EFNA5: variants seen among roughly 807,000 people sequenced by gnomAD.
EFNA5 encodes ephrin A5.
Under a neutral mutation model 22.9 loss-of-function variants are expected in EFNA5, and 5 were observed. The ratio of observed to expected loss-of-function variants is 0.22; its 90% CI spans 0.11 to 0.46. EFNA5 has a LOEUF of 0.46. Among genes scored for constraint, EFNA5 ranks in the 20% least tolerant of loss-of-function variants. The pLI is 0.99. For missense variants in EFNA5, 237 were observed against 293.3 expected, an observed-to-expected ratio of 0.81 and a Z score of 1.40; for synonymous variants, 113 against 112.2, an observed-to-expected ratio of 1.01 and a Z score of -0.04.
intron 1 of EFNA5, among the ~76,000 whole-genome samples, chr5:107,436,522 T>C (rs1749114302): frequency 1.3e-5 from 2 of 152,108 alleles, no homozygotes; most frequent in African/African-American, 4.8e-5. Context: ...TGGCAATCAG[T>C]ATAGTCCTAA....
chr5:107,636,314 G>A (rs947191685), intron 1 of EFNA5, among the ~76,000 whole-genome samples: 5 of 152,278 alleles, frequency 3.3e-5, no homozygotes, highest in South Asian at 2.1e-4. Flanking sequence ...CTGCATATGC[G>A]TGCAAAAGTT....
In EFNA5 at chr5:107,642,462, TAAA is replaced by T. The variant is rs752015344; in HGVS notation, c.125+28024_125+28026del. ...ATAGATATATACAATTTTTGTCAAC[TAAA>T]AAAAAAAAAAAAAAAGCCAAGGAAT... is the stretch of plus-strand genomic sequence containing the variant. On this transcript the variant is annotated intron_variant, in intron 1 of 4. Transcript: ENST00000333274. Among the ~76,000 whole-genome samples, 418 of 70,724 alleles carry T rather than the reference TAAA, an allele frequency of 5.9e-3. 3 individuals carry two copies. Among genetic ancestry groups the T allele is most frequent in the African/African-American group, 0.02 (386 of 19,340 alleles). 46.4% of individuals were successfully genotyped at this position (70,724 alleles called of 152,430 possible).
chr5:107,464,668 G>A (rs1749927251), intron 1 of EFNA5, among the ~76,000 whole-genome samples: 1 of 152,132 alleles, frequency 6.6e-6, no homozygotes, highest in Non-Finnish European at 1.5e-5. Flanking sequence ...ACCTACAGAG[G>A]AAAATGTTAC....
At chr5:107,638,025 T>TCC (rs1300636426) in intron 1 of EFNA5, among the ~76,000 whole-genome samples, 1 of 150,290 alleles carries the variant, frequency 6.7e-6, no homozygotes, top group Non-Finnish European at 1.5e-5. Context: ...TTTTTGTATT[T>TCC]TTTTTTTTTA....
chr5:107,504,140 G>A (rs25978), intron 1 of EFNA5, among the ~76,000 whole-genome samples: 59,591 of 151,982 alleles, frequency 0.39, 12,153 homozygotes, highest in East Asian at 0.6. Flanking sequence ...TGCAGAGAAG[G>A]AATCCCAAAA....
chr5:107,580,217 T>G (rs531531816), intron 1 of EFNA5, among the ~76,000 whole-genome samples: 1 of 152,220 alleles, frequency 6.6e-6, no homozygotes, highest in African/African-American at 2.4e-5. Flanking sequence ...CAAGACCTTA[T>G]GAACACTGAA....
chr5:107,556,893 C>T (rs1301095645), intron 1 of EFNA5, among the ~76,000 whole-genome samples: 2 of 151,986 alleles, frequency 1.3e-5, no homozygotes, highest in Non-Finnish European at 1.5e-5. Context: ...TTTCACATTC[C>T]ACTAATGAAA....
intron 1 of EFNA5, among the ~76,000 whole-genome samples, chr5:107,493,167 T>C (rs1453420070): frequency 1.3e-5 from 2 of 152,068 alleles, no homozygotes; most frequent in African/African-American, 4.8e-5. Flanking sequence ...ATTACTTTTA[T>C]TTGTTCACTT....
chr5:107,637,334 C>A (rs1026503196), intron 1 of EFNA5, among the ~76,000 whole-genome samples: 1 of 152,144 alleles, frequency 6.6e-6, no homozygotes, highest in African/African-American at 2.4e-5. Context: ...TTTAGAATGA[C>A]AAGAGAAGTC....
chr5:107,653,298 C>T (rs1272444008), intron 1 of EFNA5, among the ~76,000 whole-genome samples: 1 of 152,060 alleles, frequency 6.6e-6, no homozygotes, highest in African/African-American at 2.4e-5. Context: ...CGTTTCTGCA[C>T]TTCAGTCTCC....
In EFNA5 at chr5:107,427,592, T is replaced by C. The variant is rs150481235; in HGVS notation, c.126-83A>G. ...AATCAGTGGTTAAGCCATTCAATAA[T>C]TTTGGAGCTAAAGCATCTAGTATAG... On this transcript the variant is annotated intron_variant, in intron 1 of 4. Coordinates refer to ENST00000333274, the MANE Select transcript of EFNA5 (RefSeq NM_001962.3). 7.4e-4 allele frequency: 972 copies of C among 1,319,042 alleles called. 1 individual carries two copies. The highest frequency in any genetic ancestry group is 4.3e-3 in the African/African-American group (288 of 67,728). The allele number at this position is 1,319,042 out of a possible 1,614,324, so 81.7% of individuals were successfully genotyped here.
At chr5:107,518,270 C>CG (rs1161008408) in intron 1 of EFNA5, among the ~76,000 whole-genome samples, 3 of 144,540 alleles carry the variant, frequency 2.1e-5, no homozygotes, top group Non-Finnish European at 4.5e-5. Flanking sequence ...AAGCCCCACT[C>CG]GGAAAAAAAA....
intron 1 of EFNA5, among the ~76,000 whole-genome samples, chr5:107,569,557 A>ATT (rs1183308503): frequency 5.6e-5 from 5 of 89,164 alleles, no homozygotes; most frequent in South Asian, 7.9e-4. Context: ...GTATATATAT[A>ATT]TTTATATATA....
chr5:107,382,014 A>G (rs1747479234), intron 4 of EFNA5, among the ~76,000 whole-genome samples: 1 of 152,208 alleles, frequency 6.6e-6, no homozygotes. Context: ...TTTCTATTAC[A>G]AACCCTGTAT....
chr5:107,559,446 A>G (rs551759202), intron 1 of EFNA5, among the ~76,000 whole-genome samples: 1 of 152,332 alleles, frequency 6.6e-6, no homozygotes, highest in Admixed American at 6.5e-5. Context: ...TACTGACAGG[A>G]TGAGGGAATA....
intron 1 of EFNA5, among the ~76,000 whole-genome samples, chr5:107,439,760 C>T (rs938322526): frequency 2.6e-5 from 4 of 152,194 alleles, no homozygotes; most frequent in Non-Finnish European, 2.9e-5. Flanking sequence ...TGTGTTATCT[C>T]GCTGTTTTAG....
At chr5:107,495,704 A>C (rs1746958388) in intron 1 of EFNA5, among the ~76,000 whole-genome samples, 1 of 152,196 alleles carries the variant, frequency 6.6e-6, no homozygotes, top group South Asian at 2.1e-4. Flanking sequence ...CCTCCTCTCC[A>C]CCAAAAAAGG....
intron 1 of EFNA5, among the ~76,000 whole-genome samples, chr5:107,639,847 T>C (rs1750464804): frequency 6.6e-6 from 1 of 152,078 alleles, no homozygotes; most frequent in Admixed American, 6.5e-5. Context: ...AAACCGACAA[T>C]ATTACTAAGA....
At chr5:107,555,165 C>T (rs951234823) in intron 1 of EFNA5, among the ~76,000 whole-genome samples, 10 of 152,210 alleles carry the variant, frequency 6.6e-5, no homozygotes, top group African/African-American at 2.4e-4. Flanking sequence ...TTGGCAAACT[C>T]TTGGCTTATT....
Sources: allele counts gnomAD v4.1 joint callset (sites outside exome capture counted in the v4.1 genomes callset), GRCh38; gene constraint gnomAD v4.1.1; transcripts MANE v1.5; gene names NCBI Gene and HGNC (gene_info 2026-07-23, HGNC 2026-07-21).